APTX: variants seen among roughly 807,000 people sequenced by gnomAD.
APTX encodes the protein aprataxin.
Under a neutral mutation model 42.3 loss-of-function variants are expected in APTX, and 33 were observed. That is an observed-to-expected ratio of 0.78 (90% CI 0.59 to 1.04). APTX has a LOEUF of 1.04. Among genes scored for constraint, APTX ranks in the 50% least tolerant of loss-of-function variants. The pLI, the probability that APTX is intolerant of heterozygous loss-of-function variation, is 0.00. For synonymous variants in APTX, 130 were observed against 146.7 expected (o/e 0.89, Z 0.82); for missense variants, 421 against 415.1 (o/e 1.01, Z -0.12).
At chr9:33,011,354 C>A (rs1259528823) in intron 1 of APTX, among the ~76,000 whole-genome samples, 1 of 151,336 alleles carries the variant, frequency 6.6e-6, no homozygotes, top group Non-Finnish European at 1.5e-5. Flanking sequence ...GTGGCACGAT[C>A]TTGGCTCACT....
At chr9:32,989,058 G>A (rs1351777228) in intron 2 of APTX, among the ~76,000 whole-genome samples, 1 of 152,218 alleles carries the variant, frequency 6.6e-6, no homozygotes, top group East Asian at 1.9e-4. Flanking sequence ...TTCAGTTGCT[G>A]TTGTGAGGAA....
In APTX at chr9:32,985,996, A is replaced by C. The variant is rs769277827; in HGVS notation, c.518T>G (p.Ile173Ser). 4 of 1,608,642 alleles carry C rather than the reference A, an allele frequency of 2.5e-6. No homozygotes were observed. The highest frequency in any genetic ancestry group is 3.4e-6 in the Non-Finnish European group (4 of 1,179,266). The change falls in exon 5 of 8, where the codon ATT becomes AGT. Residue 173 changes from isoleucine (I) to serine (S), a missense_variant. Physicochemically the swap from Ile to Ser is moderately radical, Grantham distance 142. Coordinates refer to ENST00000379817, the MANE Select transcript of APTX (RefSeq NM_001195248.2). ...CTGCATTTTGGGGTCCTGCATAGAA[A>C]TCTTCAAGCCTTGACTCCAGTGGCC... ...SLGHWSQGLK[I>S]SMQDPKMQVY...
rs764535604 is a variant in APTX at position 32,989,634 on chromosome 9, C to T, written c.133+125G>A. The stretch of plus-strand genomic sequence containing the variant: ...GGCCCTGGTGTTGGCTAAAAGAGCT[C>T]AGTTCCTGAGCTGTATTTTTGGCAG... On this transcript the variant is annotated intron_variant, in intron 2 of 7. Coordinates refer to ENST00000379817, the MANE Select transcript of APTX (RefSeq NM_001195248.2). The T allele has an allele frequency of 3.5e-6, 5 of 1,440,386 alleles. No individual in the cohort carries two copies. The South Asian group carries it at 5.8e-5, about 17-fold the overall frequency. The allele number at this position is 1,440,386 out of a possible 1,614,324, so 89.2% of individuals were successfully genotyped here.
upstream of APTX, among the ~76,000 whole-genome samples, chr9:33,005,392 C>T (rs1029143029): frequency 3.9e-5 from 6 of 151,988 alleles, no homozygotes; most frequent in Non-Finnish European, 5.9e-5. Flanking sequence ...ATGTTTAGGT[C>T]TTTGATCCAT....
chr9:32,992,143 C>T (rs1833793180), intron 1 of APTX, among the ~76,000 whole-genome samples: 1 of 152,174 alleles, frequency 6.6e-6, no homozygotes, highest in Non-Finnish European at 1.5e-5. Flanking sequence ...CTTATCAGTG[C>T]TCAAGCCTCT....
chr9:33,008,939 TAC>T (rs1216534334), intron 1 of APTX, among the ~76,000 whole-genome samples: 7 of 152,208 alleles, frequency 4.6e-5, no homozygotes, highest in African/African-American at 1.7e-4. Context: ...TTCTATACAT[TAC>T]AGTGTAAACA....
chr9:33,007,094 A>T (rs576112387), intron 1 of APTX, among the ~76,000 whole-genome samples: 1 of 152,202 alleles, frequency 6.6e-6, no homozygotes, highest in East Asian at 1.9e-4. Context: ...GACAGAAAGG[A>T]AACAAACACA....
At chr9:33,016,228 G>A (rs1837891254) in intron 1 of APTX, 1 of 152,344 alleles carries the variant, frequency 6.6e-6, no homozygotes, top group East Asian at 1.9e-4. Context: ...GTGATTGCCT[G>A]TGTGAGAACA....
At chr9:33,016,282 G>A (rs953382721) in intron 1 of APTX, 1 of 152,160 alleles carries the variant, frequency 6.6e-6, no homozygotes, top group Non-Finnish European at 1.5e-5. Context: ...CTGAAGTGTG[G>A]TGAACCAGCA....
chr9:32,995,804 T>C (rs1015889586), intron 1 of APTX, among the ~76,000 whole-genome samples: 3 of 150,132 alleles, frequency 2.0e-5, no homozygotes, highest in Non-Finnish European at 3.0e-5. Context: ...AGGAGAATGG[T>C]GTGAATCCGG....
chr9:33,021,859 C>T (rs1235475765), intron 1 of APTX, among the ~76,000 whole-genome samples: 1 of 151,182 alleles, frequency 6.6e-6, no homozygotes, highest in African/African-American at 2.4e-5. Context: ...GATGCAGTGG[C>T]AGGTGTCTGT....
Position 32,984,806 on chromosome 9 carries a change from G to A in APTX, c.595C>T (p.Arg199Cys), listed in dbSNP as rs778965012. Reference sequence around the variant, plus strand: ...CACGGTAAGACCAGCCAATGGTAACGGGCCTTTGGGTATTTATCCTTTATC... The same window carrying A: ...CACGGTAAGACCAGCCAATGGTAACAGGCCTTTGGGTATTTATCCTTTATC... ...VVIKDKYPKA[R>C]YHWLVLPWTS... The change falls in exon 6 of 8, where the codon CGT becomes TGT. Residue 199 changes from arginine (R) to cysteine (C), a missense_variant. Transcript: ENST00000379817. 9.9e-6 allele frequency: 16 copies of A among 1,614,042 alleles called. No homozygotes were observed. Among genetic ancestry groups the A allele is most frequent in the Middle Eastern group, 1.6e-4 (1 of 6,084 alleles).
chr9:33,012,471 C>T (rs975435125), intron 1 of APTX, among the ~76,000 whole-genome samples: 1 of 152,052 alleles, frequency 6.6e-6, no homozygotes, highest in African/African-American at 2.4e-5. Context: ...GGGACACTAC[C>T]AAGTACAATA....
chr9:32,979,182 C>A (rs1205707369), intron 6 of APTX, among the ~76,000 whole-genome samples: 2 of 152,070 alleles, frequency 1.3e-5, no homozygotes, highest in Non-Finnish European at 2.9e-5. Context: ...TCAATCCTCC[C>A]CCACCTCCCT....
chr9:32,979,052 T>G (rs946743140), intron 6 of APTX, among the ~76,000 whole-genome samples: 2 of 152,162 alleles, frequency 1.3e-5, no homozygotes, highest in Non-Finnish European at 2.9e-5. Flanking sequence ...TTTTTAAAAC[T>G]TTTAGGTTCA....
chr9:32,986,823 T>G (rs1338227696), intron 4 of APTX, among the ~76,000 whole-genome samples: 1 of 149,768 alleles, frequency 6.7e-6, no homozygotes, highest in Non-Finnish European at 1.5e-5. Flanking sequence ...TGTTGTTGTT[T>G]TTTGAGATGG....
At chr9:32,995,897 A>AAG in intron 1 of APTX, among the ~76,000 whole-genome samples, 1 of 151,828 alleles carries the variant, frequency 6.6e-6, no homozygotes, top group Non-Finnish European at 1.5e-5. Flanking sequence ...CAAAAAAAAA[A>AAG]AAAAAAAGAA....
At chr9:32,974,995 G>A (rs373316436) in intron 6 of APTX, among the ~76,000 whole-genome samples, 18 of 152,278 alleles carry the variant, frequency 1.2e-4, no homozygotes, top group African/African-American at 4.3e-4. Flanking sequence ...ACAGTGTTCA[G>A]GGAAAGCATC....
In APTX at chr9:32,998,890, TA is replaced by T. The variant is rs34068893; in HGVS notation, c.-5+2676del. The stretch of plus-strand genomic sequence containing the variant: ...AGTATAAAAAAAAAATTGGTCAAGC[TA>T]AAAAAAAAAAAAGAACAGTTTTTCA... On this transcript the variant is annotated intron_variant, in intron 1 of 7. Coordinates refer to ENST00000379817, the MANE Select transcript of APTX (RefSeq NM_001195248.2). 4.6e-3 allele frequency among the ~76,000 whole-genome samples: 630 copies of T among 137,858 alleles called. 2 individuals carry two copies. The highest frequency in any genetic ancestry group is 0.011 in the African/African-American group (413 of 36,918). The allele number at this position is 137,858 out of a possible 152,430, so 90.4% of individuals were successfully genotyped here.
Sources: allele counts gnomAD v4.1 joint callset (sites outside exome capture counted in the v4.1 genomes callset), GRCh38; gene constraint gnomAD v4.1.1; transcripts MANE v1.5; gene names NCBI Gene and HGNC (gene_info 2026-07-23, HGNC 2026-07-21).